The following CNBD1 variants were observed in gnomAD, a reference collection of about 807,000 sequenced individuals.
CNBD1 encodes the protein cyclic nucleotide binding domain containing 1.
CNBD1 carries 71 observed loss-of-function variants against 54.4 expected under a neutral mutation model. That is an observed-to-expected ratio of 1.30 (90% CI 1.08 to 1.59). The LOEUF (loss-of-function observed/expected upper bound fraction) is 1.59. Among genes scored for constraint, CNBD1 ranks in the 40% most tolerant of loss-of-function variants. CNBD1 has a pLI of 0.00. For missense variants in CNBD1, 659 were observed against 518.0 expected, an observed-to-expected ratio of 1.27 and a Z score of -2.64; for synonymous variants, 182 against 170.7, an observed-to-expected ratio of 1.07 and a Z score of -0.51.
intron 4 of CNBD1, among the ~76,000 whole-genome samples, chr8:87,086,283 C>G (rs1161426909): frequency 6.6e-6 from 1 of 152,224 alleles, no homozygotes; most frequent in Non-Finnish European, 1.5e-5. Context: ...CTGTCTGCCT[C>G]AGCTTATGCT....
intron 3 of CNBD1, among the ~76,000 whole-genome samples, chr8:86,934,173 A>G (rs1455230937): frequency 1.3e-5 from 2 of 152,106 alleles, no homozygotes; most frequent in African/African-American, 2.4e-5. Flanking sequence ...CCTGGCAAGC[A>G]AAGTAGGTCC....
At chr8:87,215,566 C>T (rs550471276) in intron 5 of CNBD1, among the ~76,000 whole-genome samples, 3 of 140,984 alleles carry the variant, frequency 2.1e-5, no homozygotes, top group South Asian at 2.2e-4. Context: ...CCAGCCTGGG[C>T]GACAGAGTGA....
chr8:87,040,491 T>A (rs1810043198), intron 4 of CNBD1, among the ~76,000 whole-genome samples: 1 of 151,114 alleles, frequency 6.6e-6, no homozygotes, highest in Admixed American at 6.6e-5. Flanking sequence ...TGGTGCGATC[T>A]TGGCTCACTA....
chr8:87,150,289 C>T (rs138227015), intron 4 of CNBD1, among the ~76,000 whole-genome samples: 1 of 152,240 alleles, frequency 6.6e-6, no homozygotes, highest in African/African-American at 2.4e-5. Context: ...AATAGAGAAA[C>T]ATTTGGTTAC....
chr8:87,035,193 T>C (rs931298104), intron 4 of CNBD1, among the ~76,000 whole-genome samples: 2 of 152,200 alleles, frequency 1.3e-5, no homozygotes, highest in Non-Finnish European at 2.9e-5. Flanking sequence ...GTTTTTATTT[T>C]AAATGCAGGG....
intron 2 of CNBD1, among the ~76,000 whole-genome samples, chr8:86,896,436 G>C (rs1284219554): frequency 2.6e-5 from 4 of 152,002 alleles, no homozygotes; most frequent in Non-Finnish European, 5.9e-5. Context: ...GGATGTCTTT[G>C]GGGCAGTGTA....
chr8:87,239,102 A>C (rs1586355244), intron 6 of CNBD1, among the ~76,000 whole-genome samples: 2 of 152,314 alleles, frequency 1.3e-5, no homozygotes. Context: ...GCTGGCAGGC[A>C]GTTAAGCTCT....
intron 4 of CNBD1, among the ~76,000 whole-genome samples, chr8:87,107,499 C>T (rs889268840): frequency 4.6e-5 from 7 of 152,216 alleles, no homozygotes; most frequent in Non-Finnish European, 8.8e-5. Flanking sequence ...TATCAACTCA[C>T]ACACCCATTA....
intron 5 of CNBD1, among the ~76,000 whole-genome samples, chr8:87,212,244 T>C (rs1814114758): frequency 6.6e-6 from 1 of 152,158 alleles, no homozygotes; most frequent in Non-Finnish European, 1.5e-5. Flanking sequence ...CAATATTCAT[T>C]GATCTACATA....
intron 4 of CNBD1, among the ~76,000 whole-genome samples, chr8:87,016,565 G>A (rs965451841): frequency 2.0e-5 from 3 of 151,784 alleles, no homozygotes; most frequent in African/African-American, 4.8e-5. Flanking sequence ...AAAACCAAAG[G>A]GTGTAATGTT....
chr8:87,122,063 G>T (rs1434423801), intron 4 of CNBD1, among the ~76,000 whole-genome samples: 1 of 151,324 alleles, frequency 6.6e-6, no homozygotes, highest in African/African-American at 2.4e-5. Context: ...ATTGATTTTG[G>T]TTCCTTTGGG....
chr8:87,371,963 A>T (rs1436377069), intron 10 of CNBD1, among the ~76,000 whole-genome samples: 1 of 151,934 alleles, frequency 6.6e-6, no homozygotes, highest in Non-Finnish European at 1.5e-5. Flanking sequence ...CTCCTATTCA[A>T]CATAGTGTTG....
At chr8:87,237,282 T>C (rs1335376401) in intron 6 of CNBD1, 170 bp downstream of exon 6, 4 of 428,356 alleles carry the variant, frequency 9.3e-6, no homozygotes, top group Non-Finnish European at 1.6e-5. Context: ...TGATTAAACA[T>C]TTTTGATAAA....
intron 8 of CNBD1, among the ~76,000 whole-genome samples, chr8:87,319,498 A>T (rs555855763): frequency 1.3e-5 from 2 of 152,100 alleles, no homozygotes; most frequent in African/African-American, 4.8e-5. Context: ...AACCTATATG[A>T]ACTTTATTTG....
intron 4 of CNBD1, among the ~76,000 whole-genome samples, chr8:87,187,552 G>T (rs1813507016): frequency 1.3e-5 from 2 of 150,502 alleles, no homozygotes; most frequent in African/African-American, 4.9e-5. Context: ...GATTATTTTG[G>T]ACTGGAAAAA....
intron 4 of CNBD1, among the ~76,000 whole-genome samples, chr8:86,961,492 G>A (rs1270787643): frequency 6.6e-6 from 1 of 152,154 alleles, no homozygotes; most frequent in Non-Finnish European, 1.5e-5. Context: ...ACAATATTGG[G>A]GCCAAACAGT....
rs1171211854 is a variant in CNBD1, at chr8:87,353,620, T to C, written c.1153-16T>C. ...AAGCAGTTGCATTAAACATCAATAA[T>C]ATATTTTTTTAACAGAAAAGATCTC... On this transcript the variant is annotated splice_polypyrimidine_tract_variant and intron_variant, in intron 9 of 10. Coordinates refer to ENST00000518476, the MANE Select transcript of CNBD1 (RefSeq NM_173538.3). The C allele has an allele frequency of 2.0e-6, 3 of 1,506,994 alleles. No homozygotes were observed. The highest frequency in any genetic ancestry group is 2.7e-6 in the Non-Finnish European group (3 of 1,101,950). The allele number at this position is 1,506,994 out of a possible 1,614,324, so 93.4% of individuals were successfully genotyped here.
At chr8:87,081,959 A>G (rs1811003459) in intron 4 of CNBD1, among the ~76,000 whole-genome samples, 1 of 152,180 alleles carries the variant, frequency 6.6e-6, no homozygotes, top group Non-Finnish European at 1.5e-5. Context: ...CAGTTCTATC[A>G]GTTTTTGCTT....
intron 10 of CNBD1, among the ~76,000 whole-genome samples, chr8:87,364,008 T>A (rs1810582181): frequency 6.6e-6 from 1 of 151,632 alleles, no homozygotes; most frequent in African/African-American, 2.4e-5. Flanking sequence ...TTTAGACAAA[T>A]CTTTGACAAC....
Sources: allele counts gnomAD v4.1 joint callset (sites outside exome capture counted in the v4.1 genomes callset), GRCh38; gene constraint gnomAD v4.1.1; transcripts MANE v1.5; gene names NCBI Gene and HGNC (gene_info 2026-07-23, HGNC 2026-07-21).